Variants in RPTOR observed in about 807,000 individuals in gnomAD.
RPTOR encodes the protein regulatory-associated protein of mTOR.
In RPTOR, 21 loss-of-function variants were observed where a neutral mutation model predicts 169.9. The ratio of observed to expected loss-of-function variants is 0.12; its 90% CI spans 0.09 to 0.18. The LOEUF (loss-of-function observed/expected upper bound fraction) is 0.18, where lower values mean the gene tolerates loss of function less well. Among genes scored for constraint, RPTOR ranks in the 10% least tolerant of loss-of-function variants. The pLI is 1.00. For synonymous variants in RPTOR, 732 were observed against 753.2 expected (o/e 0.97, Z 0.46); for missense variants, 1,133 against 1,855.9 (o/e 0.61, Z 7.16).
intron 1 of RPTOR, among the ~76,000 whole-genome samples, chr17:80,603,619 A>G (rs1339593859): frequency 1.3e-5 from 2 of 152,192 alleles, no homozygotes; most frequent in Non-Finnish European, 2.9e-5. Flanking sequence ...TTACAGTAGA[A>G]AGATAACGAA....
chr17:80,727,000 G>A lies in RPTOR; in HGVS notation c.508-3560G>A, dbSNP rs1026708095. ...AGCCTGCAAGCTCCGGCTCCAGGAGGAAGCGTGCTCAAGTGCACCTCTGAC... is the reference window on the plus strand; with the variant it reads ...AGCCTGCAAGCTCCGGCTCCAGGAGAAAGCGTGCTCAAGTGCACCTCTGAC... On this transcript the variant is annotated intron_variant, in intron 4 of 33. Coordinates refer to ENST00000306801, the MANE Select transcript of RPTOR (RefSeq NM_020761.3). This position sits in a 1 kb window ranked among gnomAD's most constrained non-coding sequence, Gnocchi z 4.5. Among the ~76,000 whole-genome samples, 2 of 152,176 alleles carry A rather than the reference G, an allele frequency of 1.3e-5. No homozygotes were observed. The highest frequency in any genetic ancestry group is 2.9e-5 in the Non-Finnish European group (2 of 68,024).
intron 2 of RPTOR, among the ~76,000 whole-genome samples, chr17:80,642,503 T>C (rs1314584798): frequency 2.6e-5 from 4 of 152,140 alleles, no homozygotes; most frequent in African/African-American, 4.8e-5. Context: ...TAAAAAAATA[T>C]TGGGGAATGA....
Position 80,545,566 on chromosome 17 carries a change from G to A in RPTOR, c.-64G>A, listed in dbSNP as rs1568296307. On this transcript the variant is annotated 5_prime_UTR_variant, in exon 1 of 34. Coordinates refer to ENST00000306801, the MANE Select transcript of RPTOR (RefSeq NM_020761.3). ...ATTTCACCAATTCTGGTACACGCTAGTTTTTAAGGCTGGAGGTTCTCGAGC... is the reference window on the plus strand; with the variant it reads ...ATTTCACCAATTCTGGTACACGCTAATTTTTAAGGCTGGAGGTTCTCGAGC... 1 of 1,307,316 alleles carries A rather than the reference G, an allele frequency of 7.6e-7. No individual in the cohort carries two copies. The highest frequency in any genetic ancestry group is 1.5e-5 in the African/African-American group (1 of 66,464). The allele number at this position is 1,307,316 out of a possible 1,614,324, so 81.0% of individuals were successfully genotyped here.
chr17:80,570,522 GC>G (rs2064893733), intron 1 of RPTOR, among the ~76,000 whole-genome samples: 1 of 152,064 alleles, frequency 6.6e-6, no homozygotes, highest in Non-Finnish European at 1.5e-5. Flanking sequence ...GTGCAATGGT[GC>G]AGTCTCGGCT....
intron 28 of RPTOR, among the ~76,000 whole-genome samples, chr17:80,951,093 C>T (rs1287557433): frequency 6.6e-6 from 1 of 152,002 alleles, no homozygotes; most frequent in African/African-American, 2.4e-5. Flanking sequence ...GCCCAGCTGG[C>T]CCCGGGGTCC....
chr17:80,577,768 C>A (rs796349789), intron 1 of RPTOR, among the ~76,000 whole-genome samples: 4 of 152,168 alleles, frequency 2.6e-5, no homozygotes, highest in Admixed American at 1.3e-4. Context: ...CCATTCTCTT[C>A]GAAGGGCCTT....
chr17:80,875,875 G>A (rs1438496704), intron 13 of RPTOR, among the ~76,000 whole-genome samples: 3 of 132,874 alleles, frequency 2.3e-5, no homozygotes, highest in South Asian at 5.0e-4. Context: ...CACCGAGCCC[G>A]TGCCACGCAG....
intron 1 of RPTOR, among the ~76,000 whole-genome samples, chr17:80,557,478 C>T (rs2084424199): frequency 6.6e-6 from 1 of 152,054 alleles, no homozygotes; most frequent in Admixed American, 6.6e-5. Context: ...GATCATGCCA[C>T]TGCATTCCAG....
intron 10 of RPTOR, among the ~76,000 whole-genome samples, chr17:80,841,207 A>G: frequency 9.7e-6 from 1 of 103,332 alleles, no homozygotes; most frequent in Non-Finnish European, 1.9e-5. Context: ...ACGGCAGCTC[A>G]CTCTCACCGC....
chr17:80,902,631 A>G (rs1598390610), intron 20 of RPTOR, among the ~76,000 whole-genome samples: 1 of 152,342 alleles, frequency 6.6e-6, no homozygotes, highest in East Asian at 1.9e-4. Context: ...GACGGCCACA[A>G]GTGGCCGTGG....
intron 6 of RPTOR, among the ~76,000 whole-genome samples, chr17:80,774,744 T>C (rs1412376024): frequency 2.0e-5 from 3 of 152,114 alleles, no homozygotes; most frequent in Non-Finnish European, 4.4e-5. Context: ...CAAAGTAGCA[T>C]TTGCGGCGCC....
intron 13 of RPTOR, among the ~76,000 whole-genome samples, chr17:80,879,772 C>T (rs1157602514): frequency 6.6e-6 from 1 of 152,190 alleles, no homozygotes; most frequent in Non-Finnish European, 1.5e-5. Flanking sequence ...GTCATGGCCA[C>T]GTGACTGTGA....
chr17:80,676,693 G>A (rs750927622), intron 3 of RPTOR, among the ~76,000 whole-genome samples: 20 of 152,232 alleles, frequency 1.3e-4, no homozygotes, highest in Non-Finnish European at 2.8e-4. Context: ...GTAGCAGGGT[G>A]GCTGCTTCTC....
At chr17:80,618,642 T>A (rs2065331578) in intron 1 of RPTOR, among the ~76,000 whole-genome samples, 1 of 152,190 alleles carries the variant, frequency 6.6e-6, no homozygotes, top group Non-Finnish European at 1.5e-5. Flanking sequence ...AAAGCAGTGA[T>A]ACATAGACAG....
intron 6 of RPTOR, among the ~76,000 whole-genome samples, chr17:80,777,272 C>T (rs985334009): frequency 8.6e-5 from 13 of 151,294 alleles, no homozygotes; most frequent in East Asian, 1.9e-4. Context: ...GAAGGGGGAG[C>T]GGAGGCCAGT....
intron 17 of RPTOR, 112 bp downstream of exon 17, chr17:80,885,260 C>T (rs978153942): frequency 1.7e-6 from 2 of 1,193,420 alleles, no homozygotes; most frequent in South Asian, 1.6e-5. Context: ...GTTTCCACTG[C>T]GTGTCATTGC....
chr17:80,603,254 A>G (rs905795108), intron 1 of RPTOR, among the ~76,000 whole-genome samples: 3 of 152,330 alleles, frequency 2.0e-5, no homozygotes, highest in South Asian at 4.1e-4. Context: ...ACCAAGAGAA[A>G]CCTATCAAGA....
At chr17:80,751,624 A>AC (rs1391057337) in intron 5 of RPTOR, among the ~76,000 whole-genome samples, 1 of 151,874 alleles carries the variant, frequency 6.6e-6, no homozygotes, top group African/African-American at 2.4e-5. Flanking sequence ...GACACATCTC[A>AC]CCCCCACCCA....
At chr17:80,676,699 T>A (rs1281231405) in intron 3 of RPTOR, among the ~76,000 whole-genome samples, 1 of 152,222 alleles carries the variant, frequency 6.6e-6, no homozygotes, top group East Asian at 1.9e-4. Context: ...GGGTGGCTGC[T>A]TCTCCAGGCC....
Sources: allele counts gnomAD v4.1 joint callset (sites outside exome capture counted in the v4.1 genomes callset), GRCh38; gene constraint gnomAD v4.1.1; non-coding constraint Gnocchi (gnomAD v3.1); transcripts MANE v1.5; gene names NCBI Gene and HGNC (gene_info 2026-07-23, HGNC 2026-07-21).